The following TRERF1 variants were observed in gnomAD, a reference collection of about 807,000 sequenced individuals.
The protein encoded by TRERF1 is transcriptional regulating factor 1, also known as transcriptional-regulating factor 1.
In TRERF1, 27 loss-of-function variants were observed where a neutral mutation model predicts 122.9. The observed-to-expected ratio is 0.22, with a 90% confidence interval of 0.16 to 0.30. The LOEUF (loss-of-function observed/expected upper bound fraction) is 0.30, where lower values mean the gene tolerates loss of function less well. Ranked by LOEUF, TRERF1 falls within the 10% of genes least tolerant of loss-of-function variation. TRERF1 has a pLI of 1.00. For missense variants in TRERF1, 1,248 were observed against 1,560.3 expected (o/e 0.80, Z 3.37); for synonymous variants, 636 against 641.7 (o/e 0.99, Z 0.13).
At position 42,269,081 on chromosome 6, in the gene TRERF1, T is replaced by C. The variant is rs769688214; in HGVS notation, c.510A>G (p.Ser170=). The C allele has an allele frequency of 6.2e-7, 1 of 1,614,226 alleles. No homozygotes were observed. The highest frequency in any genetic ancestry group is 1.3e-5 in the African/African-American group (1 of 75,052). ...TGTCAGGGGCTCCATCCATCACTGC[T>C]GACTGAGTGTGCAGCACCTGGGCCA... Residue 170 remains serine (S), a synonymous_variant, in exon 5 of 18, where the codon TCA becomes TCG. Transcript: ENST00000372922. This position sits in a 1 kb window ranked among gnomAD's most constrained non-coding sequence, Gnocchi z 4.9.
chr6:42,450,050 A>G (rs1391265775), intron 2 of TRERF1, among the ~76,000 whole-genome samples: 1 of 152,260 alleles, frequency 6.6e-6, no homozygotes, highest in Non-Finnish European at 1.5e-5. Context: ...CTGACAGCTA[A>G]GACCTACAAC....
chr6:42,341,433 T>C (rs1028161387), intron 3 of TRERF1, among the ~76,000 whole-genome samples: 2 of 152,194 alleles, frequency 1.3e-5, no homozygotes, highest in Non-Finnish European at 2.9e-5. Flanking sequence ...GTGGTCTGTG[T>C]GTATGTCTGC....
At chr6:42,266,549 T>C (rs950441056) in intron 5 of TRERF1, among the ~76,000 whole-genome samples, 3 of 152,192 alleles carry the variant, frequency 2.0e-5, no homozygotes, top group African/African-American at 7.2e-5. Context: ...ACAAAGGCTC[T>C]CAGTTACCAC....
intron 2 of TRERF1, among the ~76,000 whole-genome samples, chr6:42,417,166 G>A (rs898446958): frequency 1.3e-5 from 2 of 152,060 alleles, no homozygotes; most frequent in South Asian, 2.1e-4. Flanking sequence ...CAACATGGGG[G>A]CTAACCCTGC....
chr6:42,263,243 G>T lies in TRERF1; in HGVS notation c.1884+77C>A. On this transcript the variant is annotated intron_variant, in intron 8 of 17. Transcript: ENST00000372922. The surrounding 1 kb of genome is among the most constrained non-coding windows in gnomAD (Gnocchi z 5.6). Reference sequence around the variant, plus strand: ...GGATGTCCCCACCCAGGCAGGTGGGGCAGAGCAGCAACTCACAGCAGGCGT... The same window carrying T: ...GGATGTCCCCACCCAGGCAGGTGGGTCAGAGCAGCAACTCACAGCAGGCGT... The T allele has an allele frequency of 6.6e-7, 1 of 1,511,574 alleles. No homozygotes were observed. Among genetic ancestry groups the T allele is most frequent in the Non-Finnish European group, 8.9e-7 (1 of 1,123,402 alleles). The allele number at this position is 1,511,574 out of a possible 1,614,324, so 93.6% of individuals were successfully genotyped here. A position where few individuals can be genotyped will look rare whatever the true frequency, so the allele number is the denominator to read the frequency against.
In TRERF1 at chr6:42,361,682, G is replaced by C. The variant is rs569426733; in HGVS notation, c.-371+1315C>G. On this transcript the variant is annotated intron_variant, in intron 3 of 17. Transcript: ENST00000372922. ...TCAAACATACACAAAAGCCTCTTTT[G>C]GTCTAAAGTAGAAACGTCCTTATAA... Among the ~76,000 whole-genome samples, 5 of 152,206 alleles carry C rather than the reference G, an allele frequency of 3.3e-5. No homozygotes were observed. The South Asian group carries it at 1.0e-3, about 32-fold the overall frequency.
At chr6:42,237,529 A>T (rs771393363) in intron 15 of TRERF1, among the ~76,000 whole-genome samples, 1 of 152,204 alleles carries the variant, frequency 6.6e-6, no homozygotes, top group Non-Finnish European at 1.5e-5. Flanking sequence ...TTTATAAACG[A>T]GGAAGGAAAA....
rs1167573815 is a variant in TRERF1 at position 42,408,297 on chromosome 6, G to GTATATATACATACTCATGTGTGTGTATA, written c.-454+42852_-454+42879dup. On this transcript the variant is annotated intron_variant, in intron 2 of 17. Transcript: ENST00000372922. ...TATATACATACACATGTGTGTGTATGTATATATACATACTCATGTGTGTGT... is the reference window on the plus strand; with the variant it reads ...TATATACATACACATGTGTGTGTATGTATATATACATACTCATGTGTGTGTATATATATATACATACTCATGTGTGTGT... Among the ~76,000 whole-genome samples the GTATATATACATACTCATGTGTGTGTATA allele has an allele frequency of 7.3e-3, 514 of 70,736 alleles. 6 individuals carry two copies. Among genetic ancestry groups the GTATATATACATACTCATGTGTGTGTATA allele is most frequent in the Middle Eastern group, 0.022 (3 of 134 alleles). The allele number at this position is 70,736 out of a possible 152,430, so 46.4% of individuals were successfully genotyped here.
Position 42,269,392 on chromosome 6 carries a change from A to G in TRERF1, c.199T>C (p.Leu67=). The G allele has an allele frequency of 6.2e-7, 1 of 1,614,214 alleles. No homozygotes were observed. Among genetic ancestry groups the G allele is most frequent in the Non-Finnish European group, 8.5e-7 (1 of 1,180,032 alleles). ...CCAAGGTTTTTGGAGCCAACAGGCAAGCCCAGACCATCCCGTGTATCTTGA... is the reference window on the plus strand; with the variant it reads ...CCAAGGTTTTTGGAGCCAACAGGCAGGCCCAGACCATCCCGTGTATCTTGA... The change falls in exon 5 of 18, where the codon TTG becomes CTG. Residue 67 remains leucine (L), a synonymous_variant. Transcript: ENST00000372922. This position sits in a 1 kb window ranked among gnomAD's most constrained non-coding sequence, Gnocchi z 4.9.
At chr6:42,409,489 T>A (rs1182306556) in intron 2 of TRERF1, among the ~76,000 whole-genome samples, 1 of 152,204 alleles carries the variant, frequency 6.6e-6, no homozygotes, top group Non-Finnish European at 1.5e-5. Context: ...ATAATTATCA[T>A]GTTCTTGCAT....
chr6:42,405,152 AG>A (rs138083293), intron 2 of TRERF1, among the ~76,000 whole-genome samples: 2,857 of 152,282 alleles, frequency 0.019, 84 homozygotes, highest in African/African-American at 0.064. Flanking sequence ...TGAGGCATTA[AG>A]GGTTAAGTAC....
intron 2 of TRERF1, among the ~76,000 whole-genome samples, chr6:42,422,144 C>T (rs1274432987): frequency 6.6e-6 from 1 of 151,536 alleles, no homozygotes; most frequent in African/African-American, 2.4e-5. Context: ...TGCACTCTAG[C>T]CTGGGAGACA....
intron 4 of TRERF1, among the ~76,000 whole-genome samples, chr6:42,283,531 T>C (rs1409035998): frequency 6.6e-6 from 1 of 152,126 alleles, no homozygotes; most frequent in African/African-American, 2.4e-5. Context: ...TTTATAACTT[T>C]TTATATTTTT....
chr6:42,264,927 C>T lies in TRERF1; in HGVS notation c.1485-73G>A, dbSNP rs1431450876. 3 of 1,525,728 alleles carry T rather than the reference C, an allele frequency of 2.0e-6. No individual in the cohort carries two copies. The East Asian group carries it at 6.8e-5, about 34-fold the overall frequency. The allele number at this position is 1,525,728 out of a possible 1,614,324, so 94.5% of individuals were successfully genotyped here. ...GGGAAACAGTGACTTGCCACAAGACCTCATACCCACCACAAACCCATTTCA... is the reference window on the plus strand; with the variant it reads ...GGGAAACAGTGACTTGCCACAAGACTTCATACCCACCACAAACCCATTTCA... On this transcript the variant is annotated intron_variant, in intron 6 of 17. Coordinates refer to ENST00000372922, the Ensembl canonical transcript of TRERF1.
intron 3 of TRERF1, among the ~76,000 whole-genome samples, chr6:42,305,875 C>A (rs1787117230): frequency 6.6e-6 from 1 of 151,978 alleles, no homozygotes; most frequent in Admixed American, 6.6e-5. Context: ...CACCTAGGGA[C>A]CCACAGTTCT....
In TRERF1 at chr6:42,393,924, A is replaced by T. The variant is rs1778156131; in HGVS notation, c.-453-30845T>A. Among the ~76,000 whole-genome samples the T allele has an allele frequency of 6.6e-6, 1 of 152,126 alleles. No individual in the cohort carries two copies. Among genetic ancestry groups the T allele is most frequent in the Non-Finnish European group, 1.5e-5 (1 of 68,008 alleles). On this transcript the variant is annotated intron_variant, in intron 2 of 17. Coordinates refer to ENST00000372922, the Ensembl canonical transcript of TRERF1. This position sits in a 1 kb window ranked among gnomAD's most constrained non-coding sequence, Gnocchi z 4.1. ...CCAATGTATATATGCAGGAAAAAAAAAAAAAAAAAGACTGGGATGTAAACT... is the reference window on the plus strand; with the variant it reads ...CCAATGTATATATGCAGGAAAAAAATAAAAAAAAAGACTGGGATGTAAACT...
intron 2 of TRERF1, among the ~76,000 whole-genome samples, chr6:42,367,492 A>G (rs538250148): frequency 2.0e-5 from 3 of 152,306 alleles, no homozygotes. Flanking sequence ...AAGAGGCTGC[A>G]CGCCACTGAG....
chr6:42,350,676 A>C (rs1303285897), intron 3 of TRERF1, among the ~76,000 whole-genome samples: 1 of 152,178 alleles, frequency 6.6e-6, no homozygotes, highest in African/African-American at 2.4e-5. Context: ...AAACCCTATG[A>C]CAGGTCAGGA....
rs1554134255 is a variant in TRERF1 at position 42,262,601 on chromosome 6, C to CAGAGAGAGAGAGAGAG, written c.1884+718_1884+719insCTCTCTCTCTCTCTCT. On this transcript the variant is annotated intron_variant, in intron 8 of 17. Transcript: ENST00000372922. ...AGAGAGAGAGAGAGAGAGAGAGAGA[C>CAGAGAGAGAGAGAGAG]AGACAGACGGAAACCCTTCCCAGAG... Among the ~76,000 whole-genome samples the CAGAGAGAGAGAGAGAG allele has an allele frequency of 7.3e-3, 432 of 59,114 alleles. 14 individuals are homozygous for CAGAGAGAGAGAGAGAG. Among genetic ancestry groups the CAGAGAGAGAGAGAGAG allele is most frequent in the African/African-American group, 9.6e-3 (118 of 12,324 alleles). 38.8% of individuals were successfully genotyped at this position (59,114 alleles called of 152,430 possible). A position where few individuals can be genotyped will look rare whatever the true frequency, so the allele number is the denominator to read the frequency against.
Sources: allele counts gnomAD v4.1 joint callset (sites outside exome capture counted in the v4.1 genomes callset), GRCh38; gene constraint gnomAD v4.1.1; non-coding constraint Gnocchi (gnomAD v3.1); transcripts MANE v1.5; gene names NCBI Gene and HGNC (gene_info 2026-07-23, HGNC 2026-07-21).